Variants in CHD2 observed in about 807,000 individuals in gnomAD.
The protein encoded by CHD2 is ATP-dependent chromatin remodeler CHD2.
Under a neutral mutation model 243.9 loss-of-function variants are expected in CHD2, and 28 were observed. The observed-to-expected ratio is 0.11, with a 90% CI of 0.09 to 0.16. The LOEUF is 0.16. Ranked by LOEUF, CHD2 falls within the 10% of genes least tolerant of loss-of-function variation. CHD2 has a pLI of 1.00. For synonymous variants in CHD2, 775 were observed against 779.0 expected, an observed-to-expected ratio of 0.99 and a Z score of 0.09; for missense variants, 1,386 against 2,209.8, an observed-to-expected ratio of 0.63 and a Z score of 7.47.
Position 92,958,700 on chromosome 15 carries a change from G to A in CHD2, c.2000+2051G>A, listed in dbSNP as rs568337172. On this transcript the variant is annotated intron_variant, in intron 16 of 38. Coordinates refer to ENST00000394196, the MANE Select transcript of CHD2 (RefSeq NM_001271.4). ...TGTAAAATGTTTTGACTTTTCAGTGGTATGAAAGCAATACACTTTCAGTAG... is the reference window on the plus strand; with the variant it reads ...TGTAAAATGTTTTGACTTTTCAGTGATATGAAAGCAATACACTTTCAGTAG... 1.5e-3 allele frequency among the ~76,000 whole-genome samples: 227 copies of A among 152,138 alleles called. 1 individual carries two copies. The highest frequency in any genetic ancestry group is 3.2e-3 in the Middle Eastern group (1 of 316).
At chr15:92,953,297 C>T (rs2141811350) in intron 13 of CHD2, 60 bp from the exon 14 acceptor site, 2 of 1,398,942 alleles carry the variant, frequency 1.4e-6, no homozygotes, top group East Asian at 2.3e-5. Context: ...TGTTTATGCA[C>T]ATTCTGTGTT....
At chr15:92,972,033 C>A in intron 18 of CHD2, 106 bp downstream of exon 18, 2 of 1,248,626 alleles carry the variant, frequency 1.6e-6, no homozygotes, top group South Asian at 1.6e-5. Flanking sequence ...CAAGGATCAT[C>A]AAAGGAAGCT....
chr15:93,024,589 C>A lies in CHD2; in HGVS notation c.5371C>A (p.Pro1791Thr). The A allele has an allele frequency of 6.2e-7, 1 of 1,614,194 alleles. No homozygotes were observed. The highest frequency in any genetic ancestry group is 1.1e-5 in the South Asian group (1 of 91,082). Residue 1791 changes from proline to threonine, a missense_variant, in exon 39 of 39, where the codon CCT becomes ACT. By Grantham distance (38) the Pro-to-Thr change is conservative. This residue lies in a region of CHD2 where 347 missense variants were observed against 341.6 expected (regional missense o/e 1.02). Transcript: ENST00000394196. ...HPAVSDPRSP[P>T]SQKSPHDSKS... ...TGCAGTCTCAGATCCTCGCTCACCC[C>A]CTTCTCAGAAATCTCCTCACGATTC...
At chr15:92,953,705 A>G in intron 14 of CHD2, 132 bp downstream of exon 14, 1 of 806,888 alleles carries the variant, frequency 1.2e-6, no homozygotes, top group Non-Finnish European at 1.9e-6. Context: ...TCTCAATATT[A>G]GGAGGTTTAT....
chr15:93,009,034 C>G, intron 34 of CHD2, 111 bp from the exon 35 acceptor site: 1 of 1,210,444 alleles, frequency 8.3e-7, no homozygotes, highest in Non-Finnish European at 1.2e-6. Context: ...CTTCCTCTAG[C>G]AATTATATGG....
chr15:92,995,601 A>G (rs2054177378), intron 28 of CHD2, among the ~76,000 whole-genome samples: 1 of 152,124 alleles, frequency 6.6e-6, no homozygotes, highest in Non-Finnish European at 1.5e-5. Context: ...CTTTCCTTTT[A>G]CAGTTGCAGA....
chr15:93,003,645 T>A (rs2054285719), intron 33 of CHD2, among the ~76,000 whole-genome samples: 1 of 151,196 alleles, frequency 6.6e-6, no homozygotes, highest in Admixed American at 6.6e-5. Flanking sequence ...CATGAACATA[T>A]GACTGATACT....
intron 2 of CHD2, among the ~76,000 whole-genome samples, chr15:92,916,812 A>G (rs1049327035): frequency 1.3e-5 from 2 of 152,224 alleles, no homozygotes; most frequent in South Asian, 4.1e-4. Flanking sequence ...TCGGCCTCCC[A>G]AATTGCTGGG....
rs921793900 is a variant in CHD2, at chr15:92,916,802, T to A, written c.63-7519T>A. Reference sequence around the variant, plus strand: ...CTCCTGACCTCCTAATCTGACCACCTCGGCCTCCCAAATTGCTGGGATTAC... The same window carrying A: ...CTCCTGACCTCCTAATCTGACCACCACGGCCTCCCAAATTGCTGGGATTAC... On this transcript the variant is annotated intron_variant, in intron 2 of 38. Coordinates refer to ENST00000394196, the MANE Select transcript of CHD2 (RefSeq NM_001271.4). 2.6e-5 allele frequency among the ~76,000 whole-genome samples: 4 copies of A among 152,210 alleles called. No individual in the cohort carries two copies. The East Asian group carries it at 5.8e-4, about 22-fold the overall frequency.
At chr15:92,938,157 G>A (rs1275882683) in intron 6 of CHD2, among the ~76,000 whole-genome samples, 3 of 152,146 alleles carry the variant, frequency 2.0e-5, no homozygotes, top group Non-Finnish European at 4.4e-5. Context: ...AGCAAACTAT[G>A]CCCTTTGGGC....
intron 9 of CHD2, chr15:92,944,154 CTT>C: frequency 4.3e-6 from 1 of 231,220 alleles, no homozygotes; most frequent in Non-Finnish European, 8.5e-6. Flanking sequence ...TTTTGGGTCT[CTT>C]TTTAGACAGG....
intron 5 of CHD2, among the ~76,000 whole-genome samples, chr15:92,935,505 A>T (rs559726172): frequency 7.2e-5 from 11 of 152,308 alleles, no homozygotes; most frequent in Admixed American, 2.0e-4. Context: ...TAGGTTCTCA[A>T]TTCCTGGGGG....
At chr15:92,951,235 A>T (rs755039390) in intron 13 of CHD2, among the ~76,000 whole-genome samples, 19 of 152,014 alleles carry the variant, frequency 1.2e-4, no homozygotes, top group Non-Finnish European at 2.6e-4. Flanking sequence ...CAGTGGCATG[A>T]TCTTGGCTCA....
chr15:93,004,470 ATGT>A, intron 33 of CHD2, 144 bp from the exon 34 acceptor site: 1 of 665,858 alleles, frequency 1.5e-6, no homozygotes, highest in Admixed American at 3.3e-5. Flanking sequence ...TGTCTTCATG[ATGT>A]TTCAGGATTT....
intron 37 of CHD2, among the ~76,000 whole-genome samples, chr15:93,017,380 C>T (rs571168897): frequency 2.0e-5 from 3 of 151,340 alleles, no homozygotes; most frequent in South Asian, 2.1e-4. Flanking sequence ...TGGAGTGTAG[C>T]GGCGGCACGA....
At chr15:92,910,978 T>C (rs1348760538) in intron 2 of CHD2, among the ~76,000 whole-genome samples, 1 of 152,204 alleles carries the variant, frequency 6.6e-6, no homozygotes, top group Admixed American at 6.5e-5. Flanking sequence ...CTGTAGGTGA[T>C]TGTAATACAA....
Position 92,927,341 on chromosome 15 carries a change from A to G in CHD2, c.381+11A>G. 1 of 1,606,806 alleles carries G rather than the reference A, an allele frequency of 6.2e-7. No homozygotes were observed. Among genetic ancestry groups the G allele is most frequent in the Non-Finnish European group, 8.5e-7 (1 of 1,173,534 alleles). ...AATATTAAGGAAGAGGTAAGGAAAA[A>G]ATGTTTTAAGGGCATGCATTTAAAC... On this transcript the variant is annotated intron_variant, in intron 4 of 38. Transcript: ENST00000394196.
intron 20 of CHD2, among the ~76,000 whole-genome samples, 196 bp downstream of exon 20, chr15:92,975,146 C>G (rs2053890719): frequency 6.6e-6 from 1 of 152,150 alleles, no homozygotes; most frequent in South Asian, 2.1e-4. Flanking sequence ...GCTTATTTAT[C>G]TCCCCTGTTC....
chr15:92,926,083 C>T (rs1288178953), intron 3 of CHD2, among the ~76,000 whole-genome samples: 1 of 152,120 alleles, frequency 6.6e-6, no homozygotes, highest in Admixed American at 6.5e-5. Flanking sequence ...GTGATCCTCC[C>T]ACCTCAGCCT....
Sources: gnomAD v4.1 joint callset for allele counts (sites outside exome capture counted in the v4.1 genomes callset) on GRCh38, gnomAD v4.1.1 for gene constraint, gnomAD v4.1.1 regional missense constraint, MANE v1.5 for transcripts, NCBI Gene and HGNC (gene_info 2026-07-23, HGNC 2026-07-21) for gene names.